DLG2: variants seen among roughly 807,000 people sequenced by gnomAD.
The protein encoded by DLG2 is discs large MAGUK scaffold protein 2.
Under a neutral mutation model 132.5 loss-of-function variants are expected in DLG2, and 45 were observed. The ratio of observed to expected loss-of-function variants is 0.34; its 90% CI spans 0.27 to 0.44. The LOEUF (loss-of-function observed/expected upper bound fraction) is 0.44. DLG2 is among the 20% of genes least tolerant of loss of function. The probability of loss-of-function intolerance (pLI) is 1.00; values close to 1 mark genes in which losing one functional copy is unlikely to be tolerated. For synonymous variants in DLG2, 424 were observed against 419.6 expected (o/e 1.01, Z -0.13); for missense variants, 1,045 against 1,196.9 (o/e 0.87, Z 1.87).
intron 18 of DLG2, among the ~76,000 whole-genome samples, chr11:83,715,749 C>G (rs1410917365): frequency 6.6e-6 from 1 of 152,212 alleles, no homozygotes; most frequent in East Asian, 1.9e-4. Flanking sequence ...AGATACTCAT[C>G]TAAGCTCCTG....
intron 7 of DLG2, among the ~76,000 whole-genome samples, chr11:84,302,191 C>T (rs980902671): frequency 6.6e-6 from 1 of 151,990 alleles, no homozygotes; most frequent in Non-Finnish European, 1.5e-5. Context: ...CACACTGAGG[C>T]CTGCTGGGGT....
At position 84,919,663 on chromosome 11, in the gene DLG2, G is replaced by T. The variant is rs117872018; in HGVS notation, c.357+191998C>A. 2.6e-4 allele frequency among the ~76,000 whole-genome samples: 39 copies of T among 152,166 alleles called. No homozygotes were observed. The East Asian group carries it at 7.3e-3, about 29-fold the overall frequency. On this transcript the variant is annotated intron_variant, in intron 6 of 27. Coordinates refer to ENST00000376104, the MANE Select transcript of DLG2 (RefSeq NM_001142699.3). ...TTGTGGTTTTGTGAGTGTACATGTG[G>T]GTATGTTTGTAGTAGCAATGAAAAA...
intron 6 of DLG2, among the ~76,000 whole-genome samples, chr11:84,751,965 C>T (rs1285063832): frequency 6.6e-6 from 1 of 152,180 alleles, no homozygotes; most frequent in African/African-American, 2.4e-5. Flanking sequence ...TACTATTTCA[C>T]ACTACACTCT....
intron 3 of DLG2, among the ~76,000 whole-genome samples, chr11:85,401,522 T>G (rs1297919818): frequency 6.6e-6 from 1 of 152,150 alleles, no homozygotes; most frequent in Non-Finnish European, 1.5e-5. Flanking sequence ...TAAAGGGTAT[T>G]CAATTAGGAA....
chr11:85,587,384 G>A lies in DLG2; in HGVS notation c.40+11273C>T, dbSNP rs1402847895. On this transcript the variant is annotated intron_variant, in intron 3 of 27. Coordinates refer to ENST00000376104, the MANE Select transcript of DLG2 (RefSeq NM_001142699.3). Reference sequence around the variant, plus strand: ...ATTTTATAAATTTGGGAGCTCCAGTGTTGGGTGCATATATATTTAGGATTA... The same window carrying A: ...ATTTTATAAATTTGGGAGCTCCAGTATTGGGTGCATATATATTTAGGATTA... 3.3e-5 allele frequency among the ~76,000 whole-genome samples: 5 copies of A among 152,112 alleles called. No individual in the cohort carries two copies. In the East Asian group the frequency reaches 7.7e-4, roughly 23 times the overall value.
intron 3 of DLG2, among the ~76,000 whole-genome samples, chr11:85,377,462 T>G (rs897287369): frequency 2.8e-4 from 42 of 152,226 alleles, no homozygotes; most frequent in African/African-American, 9.1e-4. Context: ...GTACTGGGCT[T>G]GAATGTCTAA....
intron 6 of DLG2, among the ~76,000 whole-genome samples, chr11:84,964,307 G>A (rs1350666622): frequency 1.3e-5 from 2 of 151,922 alleles, no homozygotes; most frequent in Non-Finnish European, 2.9e-5. Flanking sequence ...TCTGATCCTT[G>A]GCATTTTTAC....
rs2077663831 is a variant in DLG2, at chr11:85,273,297, T to C, written c.186+11923A>G. On this transcript the variant is annotated intron_variant, in intron 4 of 27. Transcript: ENST00000376104. ...AGAGCTTCTGCACAGCAAAAGAAAC[T>C]ACCATCAGAGTGAACAGGCAACCTA... is the stretch of plus-strand genomic sequence containing the variant. 3.9e-5 allele frequency among the ~76,000 whole-genome samples: 6 copies of C among 152,174 alleles called. 1 individual carries two copies. In the South Asian group the frequency reaches 1.2e-3, roughly 32 times the overall value.
chr11:83,829,911 G>A (rs968924515), intron 17 of DLG2, among the ~76,000 whole-genome samples: 8 of 151,952 alleles, frequency 5.3e-5, no homozygotes, highest in African/African-American at 1.4e-4. Flanking sequence ...CCCACCATAC[G>A]ACAGGCCCCG....
intron 7 of DLG2, among the ~76,000 whole-genome samples, chr11:84,464,871 A>T (rs2099089943): frequency 6.6e-6 from 1 of 151,088 alleles, no homozygotes; most frequent in African/African-American, 2.4e-5. Context: ...CCCAACTCTT[A>T]AGCAAAAATC....
At chr11:85,184,647 C>A (rs2079968135) in intron 4 of DLG2, among the ~76,000 whole-genome samples, 1 of 151,782 alleles carries the variant, frequency 6.6e-6, no homozygotes, top group African/African-American at 2.4e-5. Flanking sequence ...CATTAGCCAT[C>A]TTCCATGTCA....
chr11:84,432,677 A>T lies in DLG2; in HGVS notation c.519+101893T>A, dbSNP rs187908539. ...CTCCATTTTAGTTTTTGTTGAATTA[A>T]TGTGTTTGGTTTAGACAAGGGGGAG... On this transcript the variant is annotated intron_variant, in intron 7 of 27. Coordinates refer to ENST00000376104, the MANE Select transcript of DLG2 (RefSeq NM_001142699.3). Among the ~76,000 whole-genome samples the T allele has an allele frequency of 1.5e-4, 23 of 152,274 alleles. No homozygotes were observed. In the East Asian group the frequency reaches 4.1e-3, roughly 27 times the overall value.
chr11:85,502,669 A>T (rs1334250127), intron 3 of DLG2, among the ~76,000 whole-genome samples: 2 of 152,008 alleles, frequency 1.3e-5, no homozygotes, highest in Non-Finnish European at 2.9e-5. Flanking sequence ...GGGCAAGGGG[A>T]GGGAGAGCAT....
chr11:83,715,152 C>T (rs2086406111), intron 18 of DLG2, among the ~76,000 whole-genome samples: 2 of 152,134 alleles, frequency 1.3e-5, no homozygotes, highest in South Asian at 4.1e-4. Flanking sequence ...AACTCCTTCC[C>T]TCTGGTCCCA....
intron 19 of DLG2, among the ~76,000 whole-genome samples, chr11:83,620,869 CAAAAAAAA>C (rs56868518): frequency 1.7e-5 from 1 of 57,224 alleles, no homozygotes; most frequent in Non-Finnish European, 2.8e-5. Flanking sequence ...GACTCCGTCT[CAAAAAAAA>C]AAAAAAAAAA....
intron 14 of DLG2, among the ~76,000 whole-genome samples, chr11:83,940,319 T>G (rs1484996881): frequency 6.6e-6 from 1 of 152,242 alleles, no homozygotes; most frequent in Non-Finnish European, 1.5e-5. Flanking sequence ...ATACAGTATT[T>G]CTTCATGATT....
intron 5 of DLG2, among the ~76,000 whole-genome samples, chr11:85,129,621 A>G (rs1395639028): frequency 6.6e-6 from 1 of 152,162 alleles, no homozygotes; most frequent in Non-Finnish European, 1.5e-5. Context: ...GGAAGTGTAA[A>G]TTCAACCATT....
intron 7 of DLG2, among the ~76,000 whole-genome samples, chr11:84,412,329 G>A (rs965468036): frequency 2.6e-5 from 4 of 151,450 alleles, no homozygotes; most frequent in Non-Finnish European, 4.4e-5. Flanking sequence ...AACATACCCT[G>A]ATTGTGCCAA....
intron 22 of DLG2, among the ~76,000 whole-genome samples, chr11:83,474,157 T>C: frequency 6.6e-6 from 1 of 152,050 alleles, no homozygotes; most frequent in East Asian, 1.9e-4. Context: ...CCAGAAGTGT[T>C]CAGGGGACTC....
Sources: allele counts gnomAD v4.1 joint callset (sites outside exome capture counted in the v4.1 genomes callset), GRCh38; gene constraint gnomAD v4.1.1; transcripts MANE v1.5; gene names NCBI Gene and HGNC (gene_info 2026-07-23, HGNC 2026-07-21).